SCO1: variants seen among roughly 807,000 people sequenced by gnomAD.
The protein encoded by SCO1 is cytochrome c oxidase assembly factor SCO1.
SCO1 carries 23 observed loss-of-function variants against 34.0 expected under a neutral mutation model. The observed-to-expected ratio is 0.68, with a 90% confidence interval of 0.49 to 0.96. SCO1 has a LOEUF of 0.96. SCO1 is among the 40% of genes least tolerant of loss of function. The pLI is 0.00. For missense variants in SCO1, 404 were observed against 381.6 expected (o/e 1.06, Z -0.49); for synonymous variants, 161 against 145.5 (o/e 1.11, Z -0.77).
At chr17:10,696,096 A>AAAAAG (rs1191585813) in intron 1 of SCO1, among the ~76,000 whole-genome samples, 1 of 151,022 alleles carries the variant, frequency 6.6e-6, no homozygotes, top group East Asian at 1.9e-4. Context: ...AAAAAAAAAA[A>AAAAAG]AGCTCAAGTA....
At chr17:10,688,000 G>C (rs1011134767) in intron 4 of SCO1, among the ~76,000 whole-genome samples, 3 of 152,056 alleles carry the variant, frequency 2.0e-5, no homozygotes, top group Non-Finnish European at 2.9e-5. Context: ...CCAAATTTCT[G>C]ACAAACCTAT....
intron 4 of SCO1, 56 bp downstream of exon 4, chr17:10,691,816 T>G: frequency 2.7e-6 from 3 of 1,121,998 alleles, no homozygotes; most frequent in Middle Eastern, 2.0e-4. Context: ...TCAAATGAAC[T>G]GATATTCCAA....
chr17:10,676,867 T>C lies in SCO1; in HGVS notation c.*4252A>G, dbSNP rs1162939910. On this transcript the variant is annotated 3_prime_UTR_variant, in exon 6 of 6. Transcript: ENST00000255390. ...CAAACTTTCAAATACATTGGAAAAG[T>C]ATATAGAAAATAATTACCCCTATAA... is the stretch of plus-strand genomic sequence containing the variant. 6.6e-6 allele frequency: 1 copy of C among 152,214 alleles called. No homozygotes were observed. Among genetic ancestry groups the C allele is most frequent in the East Asian group, 1.9e-4 (1 of 5,198 alleles). 9.4% of individuals were successfully genotyped at this position (152,214 alleles called of 1,614,324 possible).
At position 10,695,917 on chromosome 17, in the gene SCO1, T is replaced by A. The variant is rs1347052981; in HGVS notation, c.274-86A>T. The A allele has an allele frequency of 2.6e-5, 25 of 953,256 alleles. No individual in the cohort carries two copies. The East Asian group carries it at 6.1e-4, about 23-fold the overall frequency. 59.0% of individuals were successfully genotyped at this position (953,256 alleles called of 1,614,324 possible). A position where few individuals can be genotyped will look rare whatever the true frequency, so the allele number is the denominator to read the frequency against. On this transcript the variant is annotated intron_variant, in intron 1 of 5. Transcript: ENST00000255390. Reference sequence around the variant, plus strand: ...AAACTTATTAAAGTAGTTTTTAATATACATACACACAGGCCATGATGTTAA... The same window carrying A: ...AAACTTATTAAAGTAGTTTTTAATAAACATACACACAGGCCATGATGTTAA...
At position 10,680,639 on chromosome 17, in the gene SCO1, T is replaced by C. The variant is rs796379004; in HGVS notation, c.*480A>G. 2.7e-5 allele frequency: 5 copies of C among 185,956 alleles called. No individual in the cohort carries two copies. Among genetic ancestry groups the C allele is most frequent in the African/African-American group, 1.2e-4 (5 of 42,650 alleles). 11.5% of individuals were successfully genotyped at this position (185,956 alleles called of 1,614,324 possible). A position where few individuals can be genotyped will look rare whatever the true frequency, so the allele number is the denominator to read the frequency against. Reference sequence around the variant, plus strand: ...TGAATGGCAGAGACCCTAATCTGACTGTTATTAGCCACCAAGAACTCAGAA... The same window carrying C: ...TGAATGGCAGAGACCCTAATCTGACCGTTATTAGCCACCAAGAACTCAGAA... On this transcript the variant is annotated 3_prime_UTR_variant, in exon 6 of 6. Coordinates refer to ENST00000255390, the MANE Select transcript of SCO1 (RefSeq NM_004589.4).
Position 10,695,749 on chromosome 17 carries a change from TTTTC to T in SCO1, c.352_355del (p.Glu118ArgfsTer5). ...GATGATAATCTACTTACTCTCTGCC[TTTTC>T]TTTCTTGACGTGCTTCATTCCAGCC... On this transcript the variant is annotated frameshift_variant, in exon 2 of 6. Coordinates refer to ENST00000255390, the MANE Select transcript of SCO1 (RefSeq NM_004589.4). LOFTEE classifies it high-confidence loss of function. 6.2e-7 allele frequency: 1 copy of T among 1,609,688 alleles called. No individual in the cohort carries two copies. Among genetic ancestry groups the T allele is most frequent in the Non-Finnish European group, 8.5e-7 (1 of 1,176,254 alleles).
At chr17:10,697,126 A>C (rs957410630) in intron 1 of SCO1, 109 bp downstream of exon 1, 1 of 1,100,500 alleles carries the variant, frequency 9.1e-7, no homozygotes, top group Non-Finnish European at 1.3e-6. Context: ...GCTAAGGACA[A>C]CTTTAGGGGA....
chr17:10,688,561 C>A (rs966755610), intron 4 of SCO1, among the ~76,000 whole-genome samples: 9 of 152,074 alleles, frequency 5.9e-5, no homozygotes, highest in African/African-American at 2.2e-4. Flanking sequence ...CAGAAATATA[C>A]CATTTTGGAA....
chr17:10,685,936 A>C (rs966903743), intron 5 of SCO1, among the ~76,000 whole-genome samples: 5 of 152,214 alleles, frequency 3.3e-5, no homozygotes, highest in Admixed American at 6.5e-5. Flanking sequence ...TCTTTTAAAA[A>C]ACTGCTTCTG....
At chr17:10,686,600 AT>A in intron 5 of SCO1, 126 bp downstream of exon 5, 1 of 676,322 alleles carries the variant, frequency 1.5e-6, no homozygotes, top group Non-Finnish European at 2.6e-6. Context: ...AAAAAAAAAA[AT>A]TCCTAAGGAC....
At chr17:10,690,144 TGATA>T (rs1300120621) in intron 4 of SCO1, among the ~76,000 whole-genome samples, 3 of 152,098 alleles carry the variant, frequency 2.0e-5, no homozygotes, top group Non-Finnish European at 4.4e-5. Context: ...GGAAAAAATT[TGATA>T]GATAAGGCCT....
At position 10,678,958 on chromosome 17, in the gene SCO1, CTTTT is replaced by C. The variant is rs1211871025; in HGVS notation, c.*2157_*2160del. The stretch of plus-strand genomic sequence containing the variant: ...TGGTCGTCTCACTGTGTCTCCTATT[CTTTT>C]TGAGACGGAGTCTTGCTCTGTCGCC... On this transcript the variant is annotated 3_prime_UTR_variant, in exon 6 of 6. Coordinates refer to ENST00000255390, the MANE Select transcript of SCO1 (RefSeq NM_004589.4). The C allele has an allele frequency of 6.7e-6, 1 of 148,440 alleles. No individual in the cohort carries two copies. The highest frequency in any genetic ancestry group is 1.5e-5 in the Non-Finnish European group (1 of 67,296). 9.2% of individuals were successfully genotyped at this position (148,440 alleles called of 1,614,324 possible).
Position 10,684,088 on chromosome 17 carries a change from T to C in SCO1, c.771+2639A>G, listed in dbSNP as rs144127629. Reference sequence around the variant, plus strand: ...GCAAATGTACAGCATGAATTCCTCATCGAATCTCATCAAAAGTCAAATTCT... The same window carrying C: ...GCAAATGTACAGCATGAATTCCTCACCGAATCTCATCAAAAGTCAAATTCT... On this transcript the variant is annotated intron_variant, in intron 5 of 5. Transcript: ENST00000255390. The C allele has an allele frequency of 9.1e-4, 138 of 152,338 alleles. 1 individual carries two copies. The highest frequency in any genetic ancestry group is 2.7e-3 in the African/African-American group (114 of 41,570). The allele number at this position is 152,338 out of a possible 1,614,324, so 9.4% of individuals were successfully genotyped here.
At position 10,697,337 on chromosome 17, in the gene SCO1, G is replaced by T. The variant is rs746469453; in HGVS notation, c.171C>A (p.Arg57=). The T allele has an allele frequency of 1.9e-6, 3 of 1,574,202 alleles. No homozygotes were observed. The highest frequency in any genetic ancestry group is 2.6e-6 in the Non-Finnish European group (3 of 1,160,686). The change falls in exon 1 of 6, where the codon CGC becomes CGA. Residue 57 remains arginine, a synonymous_variant. Coordinates refer to ENST00000255390, the MANE Select transcript of SCO1 (RefSeq NM_004589.4). ...GCCGGGTTCCCAGGCAATAGCCAGG[G>T]CGCCCCGAGGCACGCCACGCCTCCG... is the stretch of plus-strand genomic sequence containing the variant. ...RQAEAWRASG[R]PGYCLGTRPL... is the part of the protein sequence containing the mutation.
intron 5 of SCO1, among the ~76,000 whole-genome samples, chr17:10,681,690 A>C (rs1324077282): frequency 1.3e-5 from 2 of 152,204 alleles, no homozygotes; most frequent in East Asian, 3.8e-4. Context: ...ATCACATGGA[A>C]TTAAGTGTTG....
In SCO1 at chr17:10,673,279, C is replaced by T. The variant is rs893264113; in HGVS notation, c.*7840G>A. On this transcript the variant is annotated 3_prime_UTR_variant, in exon 6 of 6. Coordinates refer to ENST00000255390, the MANE Select transcript of SCO1 (RefSeq NM_004589.4). ...TTATCTTGTCTGGTTATGTGCATCC[C>T]AGAGGCACTCTCCAGGGCCTACTTT... 6 of 152,304 alleles carry T rather than the reference C, an allele frequency of 3.9e-5. No homozygotes were observed. The highest frequency in any genetic ancestry group is 1.3e-4 in the Admixed American group (2 of 15,294). 9.4% of individuals were successfully genotyped at this position (152,304 alleles called of 1,614,324 possible).
At chr17:10,690,645 A>G (rs1313331323) in intron 4 of SCO1, among the ~76,000 whole-genome samples, 2 of 152,232 alleles carry the variant, frequency 1.3e-5, no homozygotes, top group African/African-American at 4.8e-5. Context: ...TCAGAAAAGT[A>G]AAAACAGAAC....
At chr17:10,695,048 A>G (rs902490986) in intron 2 of SCO1, among the ~76,000 whole-genome samples, 6 of 152,248 alleles carry the variant, frequency 3.9e-5, no homozygotes, top group Non-Finnish European at 8.8e-5. Context: ...ATTCACTAAA[A>G]TGCAAAGTTC....
Position 10,693,268 on chromosome 17 carries a change from G to A in SCO1, c.365-307C>T, listed in dbSNP as rs1261918631. On this transcript the variant is annotated intron_variant, in intron 2 of 5. Coordinates refer to ENST00000255390, the MANE Select transcript of SCO1 (RefSeq NM_004589.4). ...CTGGGGGCAGGGAGGGGCTGCAGTG[G>A]CCTAGAGCTGAATGTCTAAACAAGT... Among the ~76,000 whole-genome samples the A allele has an allele frequency of 5.9e-5, 9 of 152,206 alleles. No homozygotes were observed. The East Asian group carries it at 1.7e-3, about 29-fold the overall frequency.
Sources: allele counts gnomAD v4.1 joint callset (sites outside exome capture counted in the v4.1 genomes callset), GRCh38; gene constraint gnomAD v4.1.1; transcripts MANE v1.5; gene names NCBI Gene and HGNC (gene_info 2026-07-23, HGNC 2026-07-21).